Variants in STK32A observed in about 807,000 individuals in gnomAD.
STK32A encodes serine/threonine kinase 32A, also known as serine/threonine-protein kinase 32A.
In STK32A, 41 loss-of-function variants were observed where a neutral mutation model predicts 53.2. The ratio of observed to expected loss-of-function variants is 0.77; its 90% CI spans 0.60 to 1.00. The LOEUF (loss-of-function observed/expected upper bound fraction) is 1.00. Among genes scored for constraint, STK32A ranks in the 50% least tolerant of loss-of-function variants. The probability of loss-of-function intolerance (pLI) is 0.00; values close to 1 mark genes in which losing one functional copy is unlikely to be tolerated. For synonymous variants in STK32A, 166 were observed against 162.8 expected (o/e 1.02, Z -0.15); for missense variants, 458 against 485.8 (o/e 0.94, Z 0.54).
intron 5 of STK32A, among the ~76,000 whole-genome samples, chr5:147,328,564 G>A (rs1416295727): frequency 6.6e-6 from 1 of 152,168 alleles, no homozygotes; most frequent in Non-Finnish European, 1.5e-5. Context: ...TTTTGTGTGA[G>A]TACAGCTTGA....
At chr5:147,299,848 C>T (rs1753045273) in intron 4 of STK32A, among the ~76,000 whole-genome samples, 1 of 152,136 alleles carries the variant, frequency 6.6e-6, no homozygotes, top group Non-Finnish European at 1.5e-5. Context: ...TCACAAATTC[C>T]AGGATCACGA....
chr5:147,400,901 T>A, the STK32A span: 2 of 1,565,822 alleles, frequency 1.3e-6, no homozygotes, highest in Admixed American at 3.5e-5. Flanking sequence ...GCTTAGAGTC[T>A]TGTGTTTACT....
intron 6 of STK32A, among the ~76,000 whole-genome samples, chr5:147,346,246 C>G (rs1386362893): frequency 2.6e-5 from 4 of 152,076 alleles, no homozygotes. Flanking sequence ...ATTTGAAGAC[C>G]TCATTTGCCT....
chr5:147,395,619 A>C, the STK32A span: 1 of 1,614,016 alleles, frequency 6.2e-7, no homozygotes, highest in Non-Finnish European at 8.5e-7. Flanking sequence ...CGAGTAGGAG[A>C]GCCCCGAGCA....
intron 4 of STK32A, among the ~76,000 whole-genome samples, chr5:147,285,249 C>G (rs1480143656): frequency 6.6e-6 from 1 of 152,048 alleles, no homozygotes. Flanking sequence ...TGAATAGCCA[C>G]AAGTAGGAGA....
At chr5:147,335,525 C>T (rs1755072311) in intron 5 of STK32A, among the ~76,000 whole-genome samples, 1 of 152,084 alleles carries the variant, frequency 6.6e-6, no homozygotes, top group Admixed American at 6.5e-5. Context: ...CTGCCCAGGG[C>T]TCCATGCTAA....
At chr5:147,327,073 CAG>C (rs1442809003) in intron 5 of STK32A, among the ~76,000 whole-genome samples, 3 of 152,130 alleles carry the variant, frequency 2.0e-5, no homozygotes, top group African/African-American at 7.2e-5. Context: ...TTTCTGCTCT[CAG>C]AATACCAGAT....
At chr5:147,375,995 A>G (rs534423902) in intron 11 of STK32A, 1 of 152,150 alleles carries the variant, frequency 6.6e-6, no homozygotes, top group Non-Finnish European at 1.5e-5. Context: ...CATTTAGGCT[A>G]CTTTTTTTTA....
chr5:147,341,181 C>A (rs1417854682), intron 5 of STK32A, among the ~76,000 whole-genome samples: 1 of 152,160 alleles, frequency 6.6e-6, no homozygotes, highest in Non-Finnish European at 1.5e-5. Context: ...TTTGGTAGGG[C>A]TCCTCTGGGC....
Position 147,345,636 on chromosome 5 carries a change from T to C in STK32A, c.472+2593T>C, listed in dbSNP as rs776294656. 5.1e-4 allele frequency among the ~76,000 whole-genome samples: 78 copies of C among 152,156 alleles called. 1 individual carries two copies. The highest frequency in any genetic ancestry group is 3.3e-4 in the Admixed American group (5 of 15,270). ...TCCCTTCATCCTCAGGTAACTACAC[T>C]TTCCGTGTACATTCTGCTGTCTTTC... On this transcript the variant is annotated intron_variant, in intron 6 of 12. Coordinates refer to ENST00000397936, the MANE Select transcript of STK32A (RefSeq NM_001112724.2).
intron 4 of STK32A, among the ~76,000 whole-genome samples, chr5:147,283,785 G>T (rs1055683692): frequency 2.6e-5 from 4 of 152,036 alleles, no homozygotes; most frequent in African/African-American, 9.7e-5. Context: ...CAAGCAGCGA[G>T]ATTGAAACGG....
chr5:147,296,284 A>G (rs1752861193), intron 4 of STK32A, among the ~76,000 whole-genome samples: 1 of 152,156 alleles, frequency 6.6e-6, no homozygotes. Flanking sequence ...AGCAGGAATT[A>G]AAGGAAGTAA....
At chr5:147,400,906 T>G in the STK32A span, 2 of 1,558,668 alleles carry the variant, frequency 1.3e-6, no homozygotes, top group African/African-American at 2.7e-5. Context: ...GAGTCTTGTG[T>G]TTACTGTGAG....
intron 7 of STK32A, among the ~76,000 whole-genome samples, 188 bp from the exon 8 acceptor site, chr5:147,361,329 G>A (rs1266254184): frequency 3.3e-5 from 5 of 152,190 alleles, no homozygotes; most frequent in African/African-American, 4.8e-5. Context: ...TGATGAATGA[G>A]GCTACTGAGA....
intron 8 of STK32A, among the ~76,000 whole-genome samples, chr5:147,367,329 G>T (rs1043994538): frequency 6.6e-6 from 1 of 152,188 alleles, no homozygotes; most frequent in Non-Finnish European, 1.5e-5. Flanking sequence ...GCCCTGCAAA[G>T]TGGTGGGATT....
At chr5:147,350,647 G>A (rs1390021913) in intron 6 of STK32A, among the ~76,000 whole-genome samples, 1 of 151,638 alleles carries the variant, frequency 6.6e-6, no homozygotes, top group African/African-American at 2.4e-5. Context: ...GGATTACAGG[G>A]GTGAGCCACC....
At chr5:147,360,457 AAAAAAAAAAAG>A (rs1342197359) in intron 7 of STK32A, among the ~76,000 whole-genome samples, 5 of 146,818 alleles carry the variant, frequency 3.4e-5, no homozygotes, top group African/African-American at 1.3e-4. Flanking sequence ...TCTCAAAAAA[AAAAAAAAAAAG>A]AAAAAAAAAA....
intron 1 of STK32A, among the ~76,000 whole-genome samples, chr5:147,239,088 T>A (rs1753453464): frequency 6.6e-6 from 1 of 152,168 alleles, no homozygotes; most frequent in South Asian, 2.1e-4. Flanking sequence ...TGTGGTCAAG[T>A]CCAACCCAGA....
intron 4 of STK32A, 97 bp downstream of exon 4, chr5:147,279,495 T>C (rs1581031890): frequency 3.7e-6 from 4 of 1,086,880 alleles, no homozygotes; most frequent in Admixed American, 2.8e-5. Flanking sequence ...CCCTGGCTGG[T>C]ATCCAGGCTC....
Sources: allele counts gnomAD v4.1 joint callset (sites outside exome capture counted in the v4.1 genomes callset), GRCh38; gene constraint gnomAD v4.1.1; transcripts MANE v1.5; gene names NCBI Gene and HGNC (gene_info 2026-07-23, HGNC 2026-07-21).